The following DNAH7 variants were observed in gnomAD, a reference collection of about 807,000 sequenced individuals.
The protein encoded by DNAH7 is axonemal beta dynein heavy chain 7.
In DNAH7, 397 loss-of-function variants were observed where a neutral mutation model predicts 444.6. That is an observed-to-expected ratio of 0.89 (90% confidence interval 0.82 to 0.97). The LOEUF (loss-of-function observed/expected upper bound fraction) is 0.97. Ranked by LOEUF, DNAH7 falls within the 50% of genes least tolerant of loss-of-function variation. The pLI is 0.00. For missense variants in DNAH7, 4,902 were observed against 4,800.8 expected (o/e 1.02, Z -0.62); for synonymous variants, 1,636 against 1,624.4 (o/e 1.01, Z -0.17).
chr2:195,805,129 T>A (rs1207360764), intron 54 of DNAH7, among the ~76,000 whole-genome samples: 1 of 152,186 alleles, frequency 6.6e-6, no homozygotes, highest in Non-Finnish European at 1.5e-5. Context: ...GCTCCATGTA[T>A]TTTCAGATTA....
At chr2:195,931,330 T>C (rs1688681427) in intron 21 of DNAH7, among the ~76,000 whole-genome samples, 1 of 152,150 alleles carries the variant, frequency 6.6e-6, no homozygotes, top group Non-Finnish European at 1.5e-5. Flanking sequence ...TAGGCCTTTG[T>C]CAGATGAGTA....
At chr2:195,786,844 A>C (rs914887196) in intron 58 of DNAH7, among the ~76,000 whole-genome samples, 166 bp downstream of exon 58, 2 of 152,240 alleles carry the variant, frequency 1.3e-5, no homozygotes, top group African/African-American at 4.8e-5. Flanking sequence ...TATAGCAGTT[A>C]TAATACCCTA....
intron 49 of DNAH7, among the ~76,000 whole-genome samples, chr2:195,821,074 T>C (rs1574493746): frequency 6.6e-6 from 1 of 152,070 alleles, no homozygotes; most frequent in South Asian, 2.1e-4. Flanking sequence ...CCACCTTTGT[T>C]TTATGTACAG....
At chr2:195,901,009 T>C (rs936011541) in intron 27 of DNAH7, 1 of 152,286 alleles carries the variant, frequency 6.6e-6, no homozygotes, top group Non-Finnish European at 1.5e-5. Context: ...AAGACCATTG[T>C]AAAGATAATC....
intron 32 of DNAH7, 68 bp from the exon 33 acceptor site, chr2:195,888,502 T>C: frequency 6.9e-7 from 1 of 1,450,530 alleles, no homozygotes; most frequent in Non-Finnish European, 9.2e-7. Context: ...TTGGCACCTC[T>C]GTTTTTTTAT....
At chr2:195,811,700 T>C (rs893932465) in intron 51 of DNAH7, among the ~76,000 whole-genome samples, 7 of 152,152 alleles carry the variant, frequency 4.6e-5, no homozygotes, top group Admixed American at 2.0e-4. Context: ...ATGGTATGTA[T>C]ATTGTGCAAC....
rs201797684 is a variant in DNAH7 at position 195,988,044 on chromosome 2, G to A, written c.1539C>T (p.Leu513=). The A allele has an allele frequency of 3.2e-5, 52 of 1,613,248 alleles. No individual in the cohort carries two copies. The Admixed American group carries it at 3.3e-4, about 10-fold the overall frequency. The change falls in exon 13 of 65, where the codon CTC becomes CTT. Residue 513 remains leucine, a synonymous_variant. Coordinates refer to ENST00000312428, the MANE Select transcript of DNAH7 (RefSeq NM_018897.3). ...TTTTTTCATAACTATGATTTTCTGC[G>A]AGGAAGTTATCAACATCTCGCTCAG... is the stretch of plus-strand genomic sequence containing the variant. ...RKAERDVDNF[L]AENHSYEKII...
intron 9 of DNAH7, among the ~76,000 whole-genome samples, chr2:196,016,875 A>G (rs915385386): frequency 1.5e-4 from 23 of 152,252 alleles, no homozygotes; most frequent in Non-Finnish European, 3.1e-4. Context: ...TGCTGTAAAG[A>G]AGAAATGAGA....
chr2:195,845,122 A>G lies in DNAH7; in HGVS notation c.8825T>C (p.Ile2942Thr), dbSNP rs1443310795. ...EWTTLCKGRD[I>T]PCSDDCSLMG... is the part of the protein sequence containing the mutation. ...AAGAGAGCAATCATCTGAGCAGGGG[A>G]TATCTCTTCCTTTGCACAAAGTTGT... Residue 2942 changes from isoleucine (I) to threonine (T), a missense_variant, in exon 47 of 65, where the codon ATC becomes ACC. Ile to Thr is a moderately conservative substitution (Grantham distance 89). Transcript: ENST00000312428. 1.9e-6 allele frequency: 3 copies of G among 1,613,192 alleles called. No individual in the cohort carries two copies. Among genetic ancestry groups the G allele is most frequent in the African/African-American group, 1.3e-5 (1 of 75,018 alleles).
chr2:195,910,081 A>G lies in DNAH7; in HGVS notation c.4050T>C (p.Val1350=). 1 of 1,613,982 alleles carries G rather than the reference A, an allele frequency of 6.2e-7. No homozygotes were observed. The highest frequency in any genetic ancestry group is 8.5e-7 in the Non-Finnish European group (1 of 1,179,896). ...DLAKAVAKQC[V]VFNCSDGLDY... is the part of the protein sequence containing the mutation. Reference sequence around the variant, plus strand: ...CCAACCCATCAGAGCAGTTGAAAACAACACATTGTTTGGCTACAGCTTTTG... The same window carrying G: ...CCAACCCATCAGAGCAGTTGAAAACGACACATTGTTTGGCTACAGCTTTTG... The change falls in exon 25 of 65, where the codon GTT becomes GTC. Residue 1350 remains valine, a synonymous_variant. Transcript: ENST00000312428.
intron 21 of DNAH7, among the ~76,000 whole-genome samples, chr2:195,929,396 C>T (rs974803328): frequency 6.6e-6 from 1 of 152,012 alleles, no homozygotes; most frequent in African/African-American, 2.4e-5. Context: ...CATGGAACCA[C>T]AAGAGCCTGA....
chr2:196,027,572 A>G lies in DNAH7; in HGVS notation c.486+388T>C, dbSNP rs1471925861. Reference sequence around the variant, plus strand: ...TAGCAGTGTTGTCTTTGATATTTACATTTTAAAAAATTATTATGTATTTAA... The same window carrying G: ...TAGCAGTGTTGTCTTTGATATTTACGTTTTAAAAAATTATTATGTATTTAA... On this transcript the variant is annotated intron_variant, in intron 6 of 64. Coordinates refer to ENST00000312428, the MANE Select transcript of DNAH7 (RefSeq NM_018897.3). Among the ~76,000 whole-genome samples, 3 of 152,186 alleles carry G rather than the reference A, an allele frequency of 2.0e-5. No homozygotes were observed. The East Asian group carries it at 5.8e-4, about 29-fold the overall frequency.
intron 53 of DNAH7, among the ~76,000 whole-genome samples, chr2:195,807,041 A>G (rs1025772884): frequency 6.6e-6 from 1 of 152,218 alleles, no homozygotes; most frequent in Non-Finnish European, 1.5e-5. Flanking sequence ...GACATGAACT[A>G]ATCAGGTTAA....
In DNAH7 at chr2:195,795,207, G is replaced by A. The variant is rs868141618; in HGVS notation, c.10516-669C>T. On this transcript the variant is annotated intron_variant, in intron 56 of 64. Coordinates refer to ENST00000312428, the MANE Select transcript of DNAH7 (RefSeq NM_018897.3). Reference sequence around the variant, plus strand: ...ACCAGCCTGGCCAACATGGTGAAACGCTGTCTCTACTAAAAATACAAAAAT... The same window carrying A: ...ACCAGCCTGGCCAACATGGTGAAACACTGTCTCTACTAAAAATACAAAAAT... Among the ~76,000 whole-genome samples the A allele has an allele frequency of 5.3e-5, 8 of 152,196 alleles. No homozygotes were observed. In the South Asian group the frequency reaches 1.0e-3, roughly 20 times the overall value.
In DNAH7 at chr2:196,058,123, G is replaced by A. The variant is rs540152428; in HGVS notation, c.16-7C>T. 92 of 1,564,020 alleles carry A rather than the reference G, an allele frequency of 5.9e-5. No homozygotes were observed. In the South Asian group the frequency reaches 1.1e-3, roughly 18 times the overall value. ...CTTTGCTGGCCGATTTATCCTGTAT[G>A]AAAAACATGAAAAAACAAAACTGTT... On this transcript the variant is annotated splice_region_variant and splice_polypyrimidine_tract_variant and intron_variant, in intron 1 of 64. Transcript: ENST00000312428.
intron 13 of DNAH7, among the ~76,000 whole-genome samples, chr2:195,987,732 G>C (rs1270233259): frequency 6.6e-6 from 1 of 152,074 alleles, no homozygotes; most frequent in Non-Finnish European, 1.5e-5. Context: ...ACGTGTCAGA[G>C]TTGCGGTAGT....
At chr2:195,832,249 A>ACATC (rs1485302059) in intron 48 of DNAH7, among the ~76,000 whole-genome samples, 1 of 152,148 alleles carries the variant, frequency 6.6e-6, no homozygotes, top group African/African-American at 2.4e-5. Context: ...TTTGTGTCTA[A>ACATC]AATTATGGAA....
intron 8 of DNAH7, among the ~76,000 whole-genome samples, chr2:196,020,264 T>G (rs994415019): frequency 6.6e-6 from 1 of 152,266 alleles, no homozygotes; most frequent in Admixed American, 6.5e-5. Context: ...AAGTTAAGCT[T>G]ATATATTTAA....
rs1348656239 is a variant in DNAH7 at position 195,993,417 on chromosome 2, G to A, written c.1354-5188C>T. On this transcript the variant is annotated intron_variant, in intron 12 of 64. Coordinates refer to ENST00000312428, the MANE Select transcript of DNAH7 (RefSeq NM_018897.3). ...ATGTCACAGGAATACATAAATGGCAGCTAAAAAAAATACAAAAAGTCTAAA... is the reference window on the plus strand; with the variant it reads ...ATGTCACAGGAATACATAAATGGCAACTAAAAAAAATACAAAAAGTCTAAA... 2.6e-5 allele frequency among the ~76,000 whole-genome samples: 4 copies of A among 151,982 alleles called. No homozygotes were observed. In the East Asian group the frequency reaches 5.8e-4, roughly 22 times the overall value.
Sources: gnomAD v4.1 joint callset for allele counts (sites outside exome capture counted in the v4.1 genomes callset) on GRCh38, gnomAD v4.1.1 for gene constraint, MANE v1.5 for transcripts, NCBI Gene and HGNC (gene_info 2026-07-23, HGNC 2026-07-21) for gene names.